Variants in SAMHD1 observed in about 807,000 individuals in gnomAD.
SAMHD1 encodes the protein SAM and HD domain containing deoxynucleoside triphosphate triphosphohydrolase 1, also known as deoxynucleoside triphosphate triphosphohydrolase SAMHD1.
In SAMHD1, 54 loss-of-function variants were observed where a neutral mutation model predicts 79.6. That is an observed-to-expected ratio of 0.68 (90% CI 0.55 to 0.85). The LOEUF is 0.85. Among genes scored for constraint, SAMHD1 ranks in the 40% least tolerant of loss-of-function variants. The probability of loss-of-function intolerance (pLI) is 0.00; values close to 1 mark genes in which losing one functional copy is unlikely to be tolerated. For missense variants in SAMHD1, 663 were observed against 782.7 expected, an observed-to-expected ratio of 0.85 and a Z score of 1.82; for synonymous variants, 260 against 264.1, an observed-to-expected ratio of 0.98 and a Z score of 0.15.
At chr20:36,903,659 C>T (rs1446599442) in intron 13 of SAMHD1, among the ~76,000 whole-genome samples, 1 of 151,754 alleles carries the variant, frequency 6.6e-6, no homozygotes, top group Non-Finnish European at 1.5e-5. Flanking sequence ...AAGCAATCCT[C>T]CTGCCTCAGC....
rs999943213 is a variant in SAMHD1, at chr20:36,908,711, T to A, written c.1270+2507A>T. The stretch of plus-strand genomic sequence containing the variant: ...TCAATCTGCAAGGGGTTGGTAATTT[T>A]AAAAACTGGTTCTTCAAACACAGTT... On this transcript the variant is annotated intron_variant, in intron 11 of 15. Transcript: ENST00000646673. Among the ~76,000 whole-genome samples the A allele has an allele frequency of 5.3e-5, 8 of 152,280 alleles. 1 individual carries two copies. The South Asian group carries it at 1.2e-3, about 24-fold the overall frequency.
intron 11 of SAMHD1, among the ~76,000 whole-genome samples, chr20:36,908,392 C>T (rs555202330): frequency 6.6e-6 from 1 of 151,842 alleles, no homozygotes; most frequent in Non-Finnish European, 1.5e-5. Flanking sequence ...TACAGGCACG[C>T]ACCACCAGGG....
intron 4 of SAMHD1, among the ~76,000 whole-genome samples, chr20:36,933,598 A>G (rs1335424942): frequency 6.6e-6 from 1 of 152,000 alleles, no homozygotes; most frequent in Admixed American, 6.6e-5. Flanking sequence ...CCCGGGTTCA[A>G]GCTATTCTCC....
At chr20:36,932,974 A>G (rs900235600) in intron 4 of SAMHD1, among the ~76,000 whole-genome samples, 1 of 152,070 alleles carries the variant, frequency 6.6e-6, no homozygotes, top group African/African-American at 2.4e-5. Context: ...ATAATTGGAG[A>G]TGAAGTACTT....
intron 9 of SAMHD1, among the ~76,000 whole-genome samples, chr20:36,915,853 T>TA (rs1385483145): frequency 6.6e-6 from 1 of 151,928 alleles, no homozygotes; most frequent in Admixed American, 6.6e-5. Context: ...TCAACACTAA[T>TA]ACAGTGATTA....
chr20:36,893,723 G>A (rs1214557404), intron 15 of SAMHD1: 7 of 394,362 alleles, frequency 1.8e-5, no homozygotes, highest in Non-Finnish European at 3.1e-5. Flanking sequence ...GATGATGCAC[G>A]ATCTTGGAGA....
rs1386913237 is a variant in SAMHD1, at chr20:36,951,515, C to T, written c.129G>A (p.Lys43=). ...AGCACACCTGCTCCGGACCCCATGT[C>T]TTGTAGTCGGGATGGAGTTCCAGGC... ...SPGLELHPDY[K]TWGPEQVCSF... Residue 43 remains lysine, a synonymous_variant, in exon 1 of 16, where the codon AAG becomes AAA. Coordinates refer to ENST00000646673, the MANE Select transcript of SAMHD1 (RefSeq NM_015474.4). The T allele has an allele frequency of 6.2e-7, 1 of 1,614,228 alleles. No homozygotes were observed. The highest frequency in any genetic ancestry group is 2.2e-5 in the East Asian group (1 of 44,884).
At chr20:36,921,704 T>G (rs369723275) in intron 6 of SAMHD1, among the ~76,000 whole-genome samples, 12 of 121,448 alleles carry the variant, frequency 9.9e-5, no homozygotes, top group African/African-American at 3.3e-4. Context: ...TTTGTGGTTG[T>G]TTTTTTTTTT....
At chr20:36,914,657 G>GCCTT (rs2063465089) in intron 9 of SAMHD1, among the ~76,000 whole-genome samples, 1 of 151,740 alleles carries the variant, frequency 6.6e-6, no homozygotes, top group Admixed American at 6.6e-5. Flanking sequence ...ACCACGCCTG[G>GCCTT]CCTTGCCTTA....
chr20:36,939,273 A>G (rs1461068015), intron 3 of SAMHD1, among the ~76,000 whole-genome samples: 4 of 146,996 alleles, frequency 2.7e-5, no homozygotes, highest in African/African-American at 7.5e-5. Context: ...AAAAAAAAAA[A>G]AAAAAAGAAA....
chr20:36,904,091 T>A (rs1461753072), intron 13 of SAMHD1, 66 bp downstream of exon 13: 1 of 1,118,878 alleles, frequency 8.9e-7, no homozygotes, highest in Non-Finnish European at 1.4e-6. Flanking sequence ...TGTACTACTT[T>A]TATAATGGTG....
At chr20:36,937,001 C>T (rs958235222) in intron 3 of SAMHD1, among the ~76,000 whole-genome samples, 52 of 151,666 alleles carry the variant, frequency 3.4e-4, no homozygotes, top group African/African-American at 9.0e-4. Context: ...ATTAGCTGGG[C>T]GTGGTGGTGG....
intron 7 of SAMHD1, among the ~76,000 whole-genome samples, chr20:36,918,785 C>T (rs1376310487): frequency 2.2e-5 from 2 of 91,626 alleles, no homozygotes; most frequent in Non-Finnish European, 4.0e-5. Context: ...CTGGCCAACA[C>T]AGTAAGACTC....
At chr20:36,900,541 C>T (rs188893141) in intron 13 of SAMHD1, among the ~76,000 whole-genome samples, 19 of 151,038 alleles carry the variant, frequency 1.3e-4, no homozygotes, top group Non-Finnish European at 1.2e-4. Context: ...CCACCGGGGC[C>T]GGCCTAGTTA....
intron 6 of SAMHD1, among the ~76,000 whole-genome samples, 192 bp from the exon 7 acceptor site, chr20:36,919,711 A>C (rs1184378826): frequency 2.6e-5 from 4 of 152,222 alleles, no homozygotes; most frequent in African/African-American, 9.6e-5. Context: ...AGTAGTCTAC[A>C]AACCTTTTAC....
intron 2 of SAMHD1, among the ~76,000 whole-genome samples, chr20:36,944,362 G>T (rs1163155756): frequency 6.6e-6 from 1 of 151,664 alleles, no homozygotes; most frequent in Non-Finnish European, 1.5e-5. Flanking sequence ...GGTCCCTGGA[G>T]ATTCTGATCC....
intron 13 of SAMHD1, among the ~76,000 whole-genome samples, chr20:36,902,335 A>G (rs1172130461): frequency 6.6e-6 from 1 of 151,994 alleles, no homozygotes; most frequent in Non-Finnish European, 1.5e-5. Context: ...AGCACCCACC[A>G]CCATCCCTGG....
Position 36,897,964 on chromosome 20 carries a change from T to C in SAMHD1, c.1609-5A>G. 2.5e-6 allele frequency: 4 copies of C among 1,614,114 alleles called. No individual in the cohort carries two copies. Among genetic ancestry groups the C allele is most frequent in the Non-Finnish European group, 8.5e-7 (1 of 1,180,022 alleles). On this transcript the variant is annotated splice_polypyrimidine_tract_variant and splice_region_variant and intron_variant, in intron 14 of 15. Transcript: ENST00000646673. Reference sequence around the variant, plus strand: ...CTCTGGCAGAAGTTGTGAAACCTTTTTAAAATGAAGAGATTTCACTATCAC... The same window carrying C: ...CTCTGGCAGAAGTTGTGAAACCTTTCTAAAATGAAGAGATTTCACTATCAC...
At position 36,951,585 on chromosome 20, in the gene SAMHD1, C is replaced by G; in HGVS notation, c.59G>C (p.Arg20Thr). Residue 20 changes from arginine to threonine, a missense_variant, in exon 1 of 16, where the codon AGA becomes ACA. Physicochemically the swap from Arg to Thr is moderately conservative, Grantham distance 71 (BLOSUM62 -1). Coordinates refer to ENST00000646673, the MANE Select transcript of SAMHD1 (RefSeq NM_015474.4). ...SKRPRCDDSP[R>T]TPSNTPSAEA... Reference sequence around the variant, plus strand: ...TGCGGAAGGGGTGTTTGAGGGGGTTCTCGGGCTGTCATCGCAACGGGGACG... The same window carrying G: ...TGCGGAAGGGGTGTTTGAGGGGGTTGTCGGGCTGTCATCGCAACGGGGACG... 1 of 1,614,172 alleles carries G rather than the reference C, an allele frequency of 6.2e-7. No individual in the cohort carries two copies. Among genetic ancestry groups the G allele is most frequent in the Non-Finnish European group, 8.5e-7 (1 of 1,180,002 alleles).
Sources: allele counts gnomAD v4.1 joint callset (sites outside exome capture counted in the v4.1 genomes callset), GRCh38; gene constraint gnomAD v4.1.1; transcripts MANE v1.5; gene names NCBI Gene and HGNC (gene_info 2026-07-23, HGNC 2026-07-21).